Variants in SAMD12 observed in about 807,000 individuals in gnomAD.
The protein encoded by SAMD12 is sterile alpha motif domain-containing protein 12.
A neutral mutation model predicts 15.0 loss-of-function variants in SAMD12; 9 were observed. The observed-to-expected ratio is 0.60, with a 90% CI of 0.36 to 1.05. SAMD12 has a LOEUF of 1.05. Ranked by LOEUF, SAMD12 falls within the 50% of genes least tolerant of loss-of-function variation. The pLI is 0.01. For missense variants in SAMD12, 230 were observed against 234.2 expected (o/e 0.98, Z 0.12); for synonymous variants, 86 against 90.1 (o/e 0.96, Z 0.25).
intron 4 of SAMD12, among the ~76,000 whole-genome samples, chr8:118,252,138 C>T (rs1218537830): frequency 6.6e-6 from 1 of 152,164 alleles, no homozygotes; most frequent in Non-Finnish European, 1.5e-5. Flanking sequence ...AGAATCCTGT[C>T]TGTGTTCTGC....
intron 4 of SAMD12, among the ~76,000 whole-genome samples, chr8:118,301,525 T>C (rs1008631508): frequency 5.3e-5 from 8 of 152,206 alleles, no homozygotes; most frequent in African/African-American, 1.9e-4. Context: ...CAAGTTGCTC[T>C]GAAAGCTGGA....
At chr8:118,339,916 T>A (rs1817265733) in intron 4 of SAMD12, among the ~76,000 whole-genome samples, 1 of 152,200 alleles carries the variant, frequency 6.6e-6, no homozygotes, top group Admixed American at 6.5e-5. Context: ...AATAAAAGAA[T>A]GTGCTACCCA....
chr8:118,399,182 C>T (rs1820742690), intron 3 of SAMD12, among the ~76,000 whole-genome samples: 1 of 144,286 alleles, frequency 6.9e-6, no homozygotes, highest in Non-Finnish European at 1.5e-5. Flanking sequence ...TCACACCAGG[C>T]CCGATAAATT....
intron 2 of SAMD12, among the ~76,000 whole-genome samples, chr8:118,481,160 G>C (rs868579379): frequency 6.6e-6 from 1 of 151,308 alleles, no homozygotes; most frequent in African/African-American, 2.4e-5. Flanking sequence ...TCACCATGTT[G>C]GCCAGGCTGG....
chr8:118,483,937 T>C lies in SAMD12; in HGVS notation c.193-43976A>G, dbSNP rs1038083396. The stretch of plus-strand genomic sequence containing the variant: ...ATATATACACCAAGCGCCAACTCTA[T>C]GTTAAGTAATGTTCTCAGTACTAGG... On this transcript the variant is annotated intron_variant, in intron 2 of 3. Coordinates refer to ENST00000314727, the MANE Select transcript of SAMD12 (RefSeq NM_207506.3). Among the ~76,000 whole-genome samples the C allele has an allele frequency of 3.9e-5, 6 of 152,208 alleles. 1 individual carries two copies. The East Asian group carries it at 9.6e-4, about 24-fold the overall frequency.
At chr8:118,605,303 G>A (rs545403165) in intron 1 of SAMD12, among the ~76,000 whole-genome samples, 5 of 152,270 alleles carry the variant, frequency 3.3e-5, no homozygotes, top group African/African-American at 1.2e-4. Flanking sequence ...ATTACTTACT[G>A]TGCTTACACA....
At chr8:118,200,557 C>T (rs1819687111) in intron 4 of SAMD12, among the ~76,000 whole-genome samples, 1 of 151,954 alleles carries the variant, frequency 6.6e-6, no homozygotes. Flanking sequence ...ACAGTGGTGG[C>T]CATAATGAGT....
rs549982929 is a variant in SAMD12 at position 118,328,012 on chromosome 8, T to C, written c.433+51548A>G. Reference sequence around the variant, plus strand: ...TAGATACTATATATTTATAAGCAAATATATAATAATGTAACAAACAGTTCA... The same window carrying C: ...TAGATACTATATATTTATAAGCAAACATATAATAATGTAACAAACAGTTCA... On this transcript the variant is annotated intron_variant, in intron 4 of 4. Coordinates refer to the SAMD12 transcript ENST00000409003. 1.1e-4 allele frequency among the ~76,000 whole-genome samples: 16 copies of C among 152,324 alleles called. 1 individual carries two copies. Among genetic ancestry groups the C allele is most frequent in the African/African-American group, 3.8e-4 (16 of 41,574 alleles).
chr8:118,313,428 A>G lies in SAMD12; in HGVS notation c.433+66132T>C, dbSNP rs139585376. 2.2e-3 allele frequency among the ~76,000 whole-genome samples: 338 copies of G among 152,294 alleles called. 3 individuals carry two copies. The highest frequency in any genetic ancestry group is 0.01 in the Middle Eastern group (3 of 294). On this transcript the variant is annotated intron_variant, in intron 4 of 4. Transcript: ENST00000409003. Reference sequence around the variant, plus strand: ...GCAGTGGTCGTTTTGGAGTTCCTCCAGGATGTGAATGTGAGACCTGCCAAT... The same window carrying G: ...GCAGTGGTCGTTTTGGAGTTCCTCCGGGATGTGAATGTGAGACCTGCCAAT...
At chr8:118,419,850 C>T (rs1821914653) in intron 3 of SAMD12, among the ~76,000 whole-genome samples, 1 of 152,120 alleles carries the variant, frequency 6.6e-6, no homozygotes, top group African/African-American at 2.4e-5. Flanking sequence ...CAACATGTGA[C>T]CTTTTGAAAC....
rs79484831 is a variant in SAMD12 at position 118,205,569 on chromosome 8, C to A, written c.434-7837G>T. On this transcript the variant is annotated intron_variant, in intron 4 of 4. Transcript: ENST00000409003. ...TGATCTGACTATGAAATATCAGGGG[C>A]CTGTTAATTCCAGAAATGTTAAGCG... is the stretch of plus-strand genomic sequence containing the variant. 8.6e-3 allele frequency among the ~76,000 whole-genome samples: 1,303 copies of A among 152,294 alleles called. 15 individuals are homozygous for A. The highest frequency in any genetic ancestry group is 0.014 in the Non-Finnish European group (960 of 68,016).
At chr8:118,377,634 T>C (rs182053833), downstream of SAMD12, among the ~76,000 whole-genome samples, 461 of 152,288 alleles carry the variant, frequency 3.0e-3, 2 homozygotes, top group African/African-American at 0.011. Context: ...TTTAGCTTAA[T>C]AGACCTGAGT....
intron 2 of SAMD12, among the ~76,000 whole-genome samples, chr8:118,576,679 T>A (rs926102793): frequency 5.3e-5 from 8 of 152,200 alleles, no homozygotes; most frequent in African/African-American, 1.7e-4. Context: ...AGGACTTCAG[T>A]CTCCCATAGG....
chr8:118,617,041 A>G (rs557729701), intron 1 of SAMD12, among the ~76,000 whole-genome samples: 3 of 152,376 alleles, frequency 2.0e-5, no homozygotes, highest in African/African-American at 7.2e-5. Flanking sequence ...AAGGACCACT[A>G]GCATAGAGGG....
At chr8:118,241,040 G>A (rs1812551088) in intron 4 of SAMD12, among the ~76,000 whole-genome samples, 1 of 152,122 alleles carries the variant, frequency 6.6e-6, no homozygotes, top group South Asian at 2.1e-4. Flanking sequence ...CTGACCCCCA[G>A]CTCATTAGTG....
the SAMD12 span, among the ~76,000 whole-genome samples, chr8:118,132,982 A>G: frequency 0.051 from 1,496 of 29,270 alleles, 50 homozygotes; most frequent in African/African-American, 0.18. Flanking sequence ...GTATATATAT[A>G]TATATATATA....
chr8:118,240,096 G>T (rs1313385087), intron 4 of SAMD12: 3 of 152,090 alleles, frequency 2.0e-5, no homozygotes, highest in Non-Finnish European at 4.4e-5. Context: ...TCCCTGTAGG[G>T]TATCTTTATT....
chr8:118,238,975 T>C (rs1450291000), intron 4 of SAMD12, among the ~76,000 whole-genome samples: 1 of 151,936 alleles, frequency 6.6e-6, no homozygotes, highest in Admixed American at 6.6e-5. Flanking sequence ...TTTTTTACCA[T>C]GGAAAAAAAG....
intron 4 of SAMD12, among the ~76,000 whole-genome samples, chr8:118,348,437 G>A (rs928115096): frequency 2.0e-5 from 3 of 150,966 alleles, no homozygotes; most frequent in East Asian, 2.0e-4. Flanking sequence ...GTGGTGTGAC[G>A]TCCGCTCACC....
Sources: allele counts gnomAD v4.1 joint callset (sites outside exome capture counted in the v4.1 genomes callset), GRCh38; gene constraint gnomAD v4.1.1; transcripts MANE v1.5; gene names NCBI Gene and HGNC (gene_info 2026-07-23, HGNC 2026-07-21).